Variants in CFAP57 observed in about 807,000 individuals in gnomAD.
The protein encoded by CFAP57 is cilia and flagella associated protein 57, also known as cilia- and flagella-associated protein 57.
Under a neutral mutation model 146.8 loss-of-function variants are expected in CFAP57, and 116 were observed. The ratio of observed to expected loss-of-function variants is 0.79; its 90% CI spans 0.68 to 0.92. The LOEUF is 0.92. Among genes scored for constraint, CFAP57 ranks in the 40% least tolerant of loss-of-function variants. The probability of loss-of-function intolerance (pLI) is 0.00; values close to 1 mark genes in which losing one functional copy is unlikely to be tolerated. For synonymous variants in CFAP57, 518 were observed against 552.8 expected (o/e 0.94, Z 0.88); for missense variants, 1,377 against 1,527.2 (o/e 0.90, Z 1.64).
intron 21 of CFAP57, among the ~76,000 whole-genome samples, chr1:43,239,664 G>A (rs971788799): frequency 6.6e-6 from 1 of 152,208 alleles, no homozygotes; most frequent in Non-Finnish European, 1.5e-5. Flanking sequence ...GAGAGAACTC[G>A]AATTGTGCTT....
At chr1:43,228,625 C>G (rs957614366) in intron 18 of CFAP57, among the ~76,000 whole-genome samples, 3 of 149,008 alleles carry the variant, frequency 2.0e-5, no homozygotes, top group African/African-American at 7.5e-5. Context: ...TTTTCCCTGG[C>G]TTCTGGGATG....
chr1:43,185,538 TAG>T (rs987221375), intron 5 of CFAP57, among the ~76,000 whole-genome samples, 182 bp downstream of exon 5: 3 of 151,770 alleles, frequency 2.0e-5, no homozygotes, highest in Admixed American at 1.3e-4. Flanking sequence ...TGAACAGAAT[TAG>T]AGTTTAAAAA....
chr1:43,197,904 C>CTAG (rs914310327), intron 7 of CFAP57, among the ~76,000 whole-genome samples: 4 of 152,214 alleles, frequency 2.6e-5, no homozygotes, highest in African/African-American at 7.2e-5. Context: ...TTACCACATG[C>CTAG]TAGACACTGG....
Position 43,234,495 on chromosome 1 carries a change from G to C in CFAP57, c.3262G>C (p.Val1088Leu). The C allele has an allele frequency of 6.5e-7, 1 of 1,548,356 alleles. No individual in the cohort carries two copies. Among genetic ancestry groups the C allele is most frequent in the South Asian group, 1.2e-5 (1 of 83,780 alleles). The change falls in exon 21 of 23, where the codon GTG (valine) becomes CTG (leucine). Residue 1088 changes from valine (V) to leucine (L), a missense_variant and splice_region_variant. Coordinates refer to ENST00000372492, the MANE Select transcript of CFAP57 (RefSeq NM_001378189.1). ...CTGAGAATCTCCTGGGCCCCGTCAG[G>C]TGGAGATCGCAGGGCTGAACACAGA... ...FEKYVQRADM[V>L]EIAGLNTDLQ...
At chr1:43,216,022 T>C (rs1443569056) in intron 12 of CFAP57, among the ~76,000 whole-genome samples, 1 of 152,174 alleles carries the variant, frequency 6.6e-6, no homozygotes, top group Non-Finnish European at 1.5e-5. Context: ...CATAAAGGTG[T>C]GTTTTGCAGA....
At chr1:43,181,915 T>C (rs1645426713) in intron 3 of CFAP57, 65 bp downstream of exon 3, 4 of 1,552,976 alleles carry the variant, frequency 2.6e-6, no homozygotes, top group Non-Finnish European at 3.5e-6. Flanking sequence ...TATTGAATGT[T>C]TTCTGTGTAC....
chr1:43,233,448 C>A (rs1476957719), intron 19 of CFAP57, among the ~76,000 whole-genome samples: 1 of 151,222 alleles, frequency 6.6e-6, no homozygotes, highest in African/African-American at 2.4e-5. Flanking sequence ...AAGATTGCAA[C>A]ACCGCACTCC....
chr1:43,209,694 G>C (rs1310608111), intron 10 of CFAP57, 49 bp from the exon 11 acceptor site: 1 of 1,566,242 alleles, frequency 6.4e-7, no homozygotes, highest in Non-Finnish European at 8.8e-7. Context: ...CTGGGACGTG[G>C]GGGCCACAGC....
intron 2 of CFAP57, among the ~76,000 whole-genome samples, chr1:43,180,895 C>T (rs1431821445): frequency 1.3e-5 from 2 of 152,116 alleles, no homozygotes; most frequent in Admixed American, 1.3e-4. Context: ...ACATGCAATG[C>T]TCCAGCAACA....
At position 43,181,796 on chromosome 1, in the gene CFAP57, A is replaced by G. The variant is rs1342076975; in HGVS notation, c.420A>G (p.Lys140=). Residue 140 remains lysine (K), a synonymous_variant, in exon 3 of 23, where the codon AAA becomes AAG. Coordinates refer to ENST00000372492, the MANE Select transcript of CFAP57 (RefSeq NM_001378189.1). ...ATCTTGTCTACTGGCTGTGGGAAAA[A>G]CAGAAAGTAATGGCCATTGTTAGAA... The part of the protein sequence containing the change: ...ESNLVYWLWE[K]QKVMAIVRID... 1.2e-6 allele frequency: 2 copies of G among 1,614,154 alleles called. No homozygotes were observed. The highest frequency in any genetic ancestry group is 1.6e-4 in the Middle Eastern group (1 of 6,062).
At chr1:43,253,569 AG>A (rs1270007409) in intron 22 of CFAP57, among the ~76,000 whole-genome samples, 4 of 152,134 alleles carry the variant, frequency 2.6e-5, no homozygotes, top group Non-Finnish European at 4.4e-5. Flanking sequence ...AGAGGCACGA[AG>A]GGGTCTGTCT....
chr1:43,210,156 A>G (rs1051860902), intron 11 of CFAP57: 3 of 1,583,778 alleles, frequency 1.9e-6, no homozygotes, highest in Non-Finnish European at 2.6e-6. Context: ...CGTTTTCACC[A>G]TAATATTATG....
At chr1:43,172,705 A>G (rs1177637257) in intron 1 of CFAP57, 30 bp from the exon 2 acceptor site, 2 of 1,611,442 alleles carry the variant, frequency 1.2e-6, no homozygotes, top group Non-Finnish European at 8.5e-7. Context: ...GGTGCTCTCC[A>G]CTCTGAAGCG....
intron 2 of CFAP57, among the ~76,000 whole-genome samples, chr1:43,179,213 A>G (rs987436821): frequency 2.0e-5 from 3 of 152,172 alleles, no homozygotes; most frequent in African/African-American, 7.2e-5. Context: ...CAGCACACCA[A>G]CATGGCACAT....
At chr1:43,241,963 G>A (rs1478183716) in intron 21 of CFAP57, among the ~76,000 whole-genome samples, 5 of 152,148 alleles carry the variant, frequency 3.3e-5, no homozygotes, top group Non-Finnish European at 7.4e-5. Context: ...TGTGGGAAAA[G>A]AGGAAAGAGA....
At chr1:43,252,898 C>T (rs984742844) in intron 22 of CFAP57, among the ~76,000 whole-genome samples, 1 of 152,032 alleles carries the variant, frequency 6.6e-6, no homozygotes, top group African/African-American at 2.4e-5. Flanking sequence ...GAATAAATTG[C>T]CCAGATTGCA....
chr1:43,210,976 C>G (rs1401210412), intron 11 of CFAP57: 1 of 151,902 alleles, frequency 6.6e-6, no homozygotes, highest in African/African-American at 2.4e-5. Flanking sequence ...ACACTGGACC[C>G]CCCAAAAAAC....
intron 9 of CFAP57, among the ~76,000 whole-genome samples, chr1:43,206,078 C>T (rs544171700): frequency 2.0e-5 from 3 of 152,214 alleles, no homozygotes; most frequent in African/African-American, 7.2e-5. Context: ...TCAGCCTCCC[C>T]AGTTCAAACC....
chr1:43,172,584 A>AAGGGGAGGGG (rs1557714704), intron 1 of CFAP57, 131 bp downstream of exon 1: 13 of 459,140 alleles, frequency 2.8e-5, no homozygotes, highest in Middle Eastern at 6.2e-4. Flanking sequence ...AAGGGGAGGG[A>AAGGGGAGGGG]CAAGGGGAGG....
Sources: gnomAD v4.1 joint callset for allele counts (sites outside exome capture counted in the v4.1 genomes callset) on GRCh38, gnomAD v4.1.1 for gene constraint, MANE v1.5 for transcripts, NCBI Gene and HGNC (gene_info 2026-07-23, HGNC 2026-07-21) for gene names.